GTF2E2: variants seen among roughly 807,000 people sequenced by gnomAD.
The protein encoded by GTF2E2 is general transcription factor IIE subunit 2.
In GTF2E2, 21 loss-of-function variants were observed where a neutral mutation model predicts 40.5. The observed-to-expected ratio is 0.52, with a 90% CI of 0.37 to 0.75. The LOEUF is 0.75. Among genes scored for constraint, GTF2E2 ranks in the 30% least tolerant of loss-of-function variants. The pLI is 0.00. For missense variants in GTF2E2, 298 were observed against 338.4 expected, an observed-to-expected ratio of 0.88 and a Z score of 0.94; for synonymous variants, 117 against 121.6, an observed-to-expected ratio of 0.96 and a Z score of 0.25.
At chr8:30,641,508 G>A (rs1049684861) in intron 2 of GTF2E2, among the ~76,000 whole-genome samples, 4 of 152,148 alleles carry the variant, frequency 2.6e-5, no homozygotes, top group Admixed American at 1.3e-4. Context: ...GACTACAGGC[G>A]CAGGCTATCA....
At chr8:30,624,549 A>G (rs1366649955) in intron 3 of GTF2E2, among the ~76,000 whole-genome samples, 1 of 152,130 alleles carries the variant, frequency 6.6e-6, no homozygotes, top group Non-Finnish European at 1.5e-5. Flanking sequence ...TTCTGTGAAG[A>G]AAGTCATTGG....
intron 2 of GTF2E2, among the ~76,000 whole-genome samples, chr8:30,635,437 C>T (rs1801566332): frequency 6.6e-6 from 1 of 152,000 alleles, no homozygotes; most frequent in African/African-American, 2.4e-5. Context: ...GGCTGAAGTT[C>T]AATGGCACAA....
At chr8:30,595,083 C>T (rs1828962108) in intron 6 of GTF2E2, among the ~76,000 whole-genome samples, 1 of 152,100 alleles carries the variant, frequency 6.6e-6, no homozygotes, top group African/African-American at 2.4e-5. Flanking sequence ...TTTATCTCCA[C>T]TATTGGCTTA....
At chr8:30,643,341 A>G (rs1213840255) in intron 2 of GTF2E2, 3 of 152,134 alleles carry the variant, frequency 2.0e-5, no homozygotes, top group African/African-American at 4.8e-5. Flanking sequence ...ATGGGCCAAG[A>G]GTTGATGAAT....
In GTF2E2 at chr8:30,649,246, A is replaced by T. The variant is rs531011872; in HGVS notation, c.166+4187T>A. Among the ~76,000 whole-genome samples the T allele has an allele frequency of 2.0e-5, 3 of 152,232 alleles. No individual in the cohort carries two copies. In the East Asian group the frequency reaches 5.8e-4, roughly 29 times the overall value. On this transcript the variant is annotated intron_variant, in intron 2 of 7. Coordinates refer to ENST00000355904, the MANE Select transcript of GTF2E2 (RefSeq NM_002095.6). ...AGCTTGTAGGATGTGTAAAAAATTA[A>T]CATCAATAAAAATTATTATTGCTAC...
intron 2 of GTF2E2, among the ~76,000 whole-genome samples, chr8:30,647,543 C>T (rs946208735): frequency 3.9e-5 from 6 of 152,126 alleles, no homozygotes; most frequent in African/African-American, 1.2e-4. Context: ...ATCATGCCAT[C>T]GCACTCCAGC....
At chr8:30,598,918 G>C (rs1829090083) in intron 6 of GTF2E2, among the ~76,000 whole-genome samples, 1 of 152,160 alleles carries the variant, frequency 6.6e-6, no homozygotes, top group African/African-American at 2.4e-5. Context: ...CTGCACTTTG[G>C]GAAGCCAAGG....
chr8:30,655,196 C>CA (rs11452838), intron 1 of GTF2E2, among the ~76,000 whole-genome samples: 53,884 of 133,896 alleles, frequency 0.4, 10,858 homozygotes, highest in South Asian at 0.5. Flanking sequence ...AACTCTGTCT[C>CA]AAAAAAAAAA....
chr8:30,616,398 T>C (rs955414640), intron 3 of GTF2E2, among the ~76,000 whole-genome samples: 2 of 152,056 alleles, frequency 1.3e-5, no homozygotes, highest in African/African-American at 4.8e-5. Flanking sequence ...ATCAAGCCAT[T>C]GCATTCCAGC....
In GTF2E2 at chr8:30,612,447, T is replaced by A. The variant is rs1829503691; in HGVS notation, c.401A>T (p.Asp134Val). 1.2e-6 allele frequency: 2 copies of A among 1,611,874 alleles called. No homozygotes were observed. The highest frequency in any genetic ancestry group is 1.7e-6 in the Non-Finnish European group (2 of 1,178,570). Reference protein sequence around the residue: ...LVNNPKIEVIDGKYAFKPKYN... With the variant: ...LVNNPKIEVIVGKYAFKPKYN... ...CTTGGGCTTGAAAGCATACTTCCCATCTATTACTTCAATTTTGGGATTGTT... is the reference window on the plus strand; with the variant it reads ...CTTGGGCTTGAAAGCATACTTCCCAACTATTACTTCAATTTTGGGATTGTT... Residue 134 changes from aspartate (D) to valine (V), a missense_variant, in exon 5 of 8, where the codon GAT becomes GTT. Coordinates refer to ENST00000355904, the MANE Select transcript of GTF2E2 (RefSeq NM_002095.6).
At chr8:30,604,909 C>G (rs1157904318) in intron 6 of GTF2E2, among the ~76,000 whole-genome samples, 1 of 152,042 alleles carries the variant, frequency 6.6e-6, no homozygotes, top group Non-Finnish European at 1.5e-5. Flanking sequence ...ATAAAAGATA[C>G]ACAAACAGGA....
chr8:30,618,572 A>G lies in GTF2E2; in HGVS notation c.259-3857T>C, dbSNP rs373203533. The stretch of plus-strand genomic sequence containing the variant: ...ATGGATTGTGGAGAATTTTTTTTTA[A>G]AGACCTTTCAAAGGTAGACATTGTA... On this transcript the variant is annotated intron_variant, in intron 3 of 7. Transcript: ENST00000355904. 8.3e-4 allele frequency among the ~76,000 whole-genome samples: 126 copies of G among 152,162 alleles called. 1 individual carries two copies. In the South Asian group the frequency reaches 0.024, roughly 29 times the overall value.
At position 30,646,974 on chromosome 8, in the gene GTF2E2, C is replaced by T. The variant is rs1396353719; in HGVS notation, c.166+6459G>A. Reference sequence around the variant, plus strand: ...TAGCCTGGGTGACAGAGCAAGACTCCGTCTCAAAAAAAAAAAAAAAAAAAA... The same window carrying T: ...TAGCCTGGGTGACAGAGCAAGACTCTGTCTCAAAAAAAAAAAAAAAAAAAA... On this transcript the variant is annotated intron_variant, in intron 2 of 7. Coordinates refer to ENST00000355904, the MANE Select transcript of GTF2E2 (RefSeq NM_002095.6). Among the ~76,000 whole-genome samples the T allele has an allele frequency of 3.0e-4, 16 of 53,926 alleles. 1 individual carries two copies. The highest frequency in any genetic ancestry group is 1.0e-3 in the African/African-American group (14 of 13,968). 35.4% of individuals were successfully genotyped at this position (53,926 alleles called of 152,430 possible).
At chr8:30,603,956 A>C (rs1829251969) in intron 6 of GTF2E2, among the ~76,000 whole-genome samples, 1 of 152,154 alleles carries the variant, frequency 6.6e-6, no homozygotes, top group South Asian at 2.1e-4. Flanking sequence ...TTTTGTAGAA[A>C]AACACAGAAT....
intron 2 of GTF2E2, among the ~76,000 whole-genome samples, chr8:30,648,110 G>A (rs1036276232): frequency 1.3e-5 from 2 of 152,176 alleles, no homozygotes; most frequent in African/African-American, 4.8e-5. Flanking sequence ...AGAACCAAAA[G>A]AGGGTAGGAG....
chr8:30,585,925 T>A (rs1379184365), intron 6 of GTF2E2, among the ~76,000 whole-genome samples: 1 of 151,562 alleles, frequency 6.6e-6, no homozygotes, highest in African/African-American at 2.4e-5. Context: ...TCTCAAAAAT[T>A]TAAAAAACAA....
chr8:30,650,415 T>C (rs369746410), intron 2 of GTF2E2, among the ~76,000 whole-genome samples: 3 of 152,054 alleles, frequency 2.0e-5, no homozygotes, highest in East Asian at 3.9e-4. Context: ...CTCAGTCAGA[T>C]GCAGTAGCTT....
At chr8:30,590,222 G>A (rs944295533) in intron 6 of GTF2E2, among the ~76,000 whole-genome samples, 7 of 152,174 alleles carry the variant, frequency 4.6e-5, no homozygotes, top group Non-Finnish European at 1.0e-4. Context: ...CCCTCATGAG[G>A]CACGATGCCT....
chr8:30,594,727 G>A (rs868850919), intron 6 of GTF2E2, among the ~76,000 whole-genome samples: 21 of 151,934 alleles, frequency 1.4e-4, no homozygotes, highest in Admixed American at 3.9e-4. Context: ...GCGTGGTGGT[G>A]TATGCCTGTA....
Sources: allele counts gnomAD v4.1 joint callset (sites outside exome capture counted in the v4.1 genomes callset), GRCh38; gene constraint gnomAD v4.1.1; transcripts MANE v1.5; gene names NCBI Gene and HGNC (gene_info 2026-07-23, HGNC 2026-07-21).